Variants in AGBL4 observed in about 807,000 individuals in gnomAD.
AGBL4 encodes cytosolic carboxypeptidase 6.
In AGBL4, 58 loss-of-function variants were observed where a neutral mutation model predicts 66.4. That is an observed-to-expected ratio of 0.87 (90% CI 0.71 to 1.09). AGBL4 has a LOEUF of 1.09. Among genes scored for constraint, AGBL4 ranks in the 50% least tolerant of loss-of-function variants. The probability of loss-of-function intolerance (pLI) is 0.00; values close to 1 mark genes in which losing one functional copy is unlikely to be tolerated. For missense variants in AGBL4, 579 were observed against 631.0 expected (o/e 0.92, Z 0.88); for synonymous variants, 234 against 222.9 (o/e 1.05, Z -0.44).
chr1:49,047,398 G>A (rs1644106087), intron 4 of AGBL4, among the ~76,000 whole-genome samples: 1 of 152,088 alleles, frequency 6.6e-6, no homozygotes, highest in African/African-American at 2.4e-5. Flanking sequence ...GTTTAAAGGT[G>A]TTTGGCCCAC....
chr1:49,554,378 T>G (rs1653232034), intron 3 of AGBL4, among the ~76,000 whole-genome samples: 1 of 152,180 alleles, frequency 6.6e-6, no homozygotes, highest in Non-Finnish European at 1.5e-5. Flanking sequence ...CAAACACATT[T>G]TTTTTTATAC....
intron 2 of AGBL4, among the ~76,000 whole-genome samples, chr1:49,812,258 T>C (rs778541632): frequency 1.3e-5 from 2 of 152,204 alleles, no homozygotes; most frequent in Non-Finnish European, 1.5e-5. Context: ...AGTCATAGCA[T>C]TTGTTAAACT....
intron 12 of AGBL4, 78 bp from the exon 13 acceptor site, chr1:48,534,994 T>A (rs1021271762): frequency 2.4e-5 from 32 of 1,324,662 alleles, no homozygotes; most frequent in Non-Finnish European, 3.4e-5. Context: ...GCTATTCATC[T>A]GTCATTGAAG....
intron 3 of AGBL4, among the ~76,000 whole-genome samples, chr1:49,422,838 A>C (rs1645573916): frequency 6.6e-6 from 1 of 151,996 alleles, no homozygotes; most frequent in Non-Finnish European, 1.5e-5. Flanking sequence ...TCCTGTGTTG[A>C]TTTTTGTCAC....
intron 1 of AGBL4, among the ~76,000 whole-genome samples, chr1:49,910,838 C>A (rs993517500): frequency 6.6e-6 from 1 of 151,872 alleles, no homozygotes; most frequent in Non-Finnish European, 1.5e-5. Flanking sequence ...TAGCCGGGCA[C>A]GGCGGCATGC....
At chr1:48,887,337 T>C (rs1326233046) in intron 5 of AGBL4, among the ~76,000 whole-genome samples, 1 of 152,142 alleles carries the variant, frequency 6.6e-6, no homozygotes, top group Non-Finnish European at 1.5e-5. Flanking sequence ...GGCACAGTGA[T>C]GGAGAAGGAG....
intron 4 of AGBL4, among the ~76,000 whole-genome samples, chr1:49,158,670 TA>T (rs1342378874): frequency 6.6e-6 from 1 of 152,052 alleles, no homozygotes; most frequent in Non-Finnish European, 1.5e-5. Flanking sequence ...AGTGGGATGT[TA>T]AAGTCCTCCA....
At chr1:49,593,653 G>T (rs1644797364) in intron 3 of AGBL4, among the ~76,000 whole-genome samples, 1 of 152,138 alleles carries the variant, frequency 6.6e-6, no homozygotes, top group Non-Finnish European at 1.5e-5. Context: ...GCTACTTATT[G>T]TCTTGCTTGG....
At chr1:49,131,466 A>C (rs1316933256) in intron 4 of AGBL4, among the ~76,000 whole-genome samples, 1 of 152,126 alleles carries the variant, frequency 6.6e-6, no homozygotes, top group Non-Finnish European at 1.5e-5. Context: ...AGGGGGAATC[A>C]AAGGAGAAGT....
At chr1:48,776,528 T>TC in intron 6 of AGBL4, 5 of 660,382 alleles carry the variant, frequency 7.6e-6, no homozygotes, top group South Asian at 2.2e-5. Context: ...CCCGGTCCCC[T>TC]CCGCCCGGGC....
chr1:48,776,319 A>G (rs973589935), intron 6 of AGBL4, among the ~76,000 whole-genome samples: 1 of 152,228 alleles, frequency 6.6e-6, no homozygotes. Context: ...AAGAAAACAC[A>G]AAGAATCAGA....
chr1:49,312,063 A>G (rs558554950), intron 3 of AGBL4, among the ~76,000 whole-genome samples: 10 of 152,222 alleles, frequency 6.6e-5, no homozygotes, highest in African/African-American at 2.4e-4. Flanking sequence ...AAAGAGAAAT[A>G]ATAAAATGAG....
At chr1:49,098,276 A>G (rs1325416531) in intron 4 of AGBL4, among the ~76,000 whole-genome samples, 1 of 152,256 alleles carries the variant, frequency 6.6e-6, no homozygotes, top group Non-Finnish European at 1.5e-5. Flanking sequence ...CATGTGTTGT[A>G]TCTGAAAAAG....
At chr1:49,523,393 T>C (rs1337784966) in intron 3 of AGBL4, among the ~76,000 whole-genome samples, 1 of 152,194 alleles carries the variant, frequency 6.6e-6, no homozygotes, top group East Asian at 1.9e-4. Flanking sequence ...ATTTCCCCAT[T>C]ACACAGCGCA....
chr1:48,705,753 G>C (rs910130196), intron 6 of AGBL4, among the ~76,000 whole-genome samples: 5 of 152,092 alleles, frequency 3.3e-5, no homozygotes, highest in African/African-American at 1.2e-4. Flanking sequence ...AGAAAGCAGA[G>C]GTGACAATGT....
chr1:49,760,059 T>C (rs1571504779), intron 2 of AGBL4, among the ~76,000 whole-genome samples: 1 of 152,224 alleles, frequency 6.6e-6, no homozygotes, highest in African/African-American at 2.4e-5. Context: ...ACATTGCCAA[T>C]GTACAAAATG....
Position 49,170,297 on chromosome 1 carries a change from C to A in AGBL4, c.377+75473G>T, listed in dbSNP as rs866592451. Among the ~76,000 whole-genome samples, 374 of 141,270 alleles carry A rather than the reference C, an allele frequency of 2.6e-3. 2 individuals carry two copies. The highest frequency in any genetic ancestry group is 9.3e-3 in the African/African-American group (362 of 38,758). 92.7% of individuals were successfully genotyped at this position (141,270 alleles called of 152,430 possible). On this transcript the variant is annotated intron_variant, in intron 4 of 13. Transcript: ENST00000371839. ...TATAAATATATTATAAATTTATATT[C>A]ATATAAATATGTTATAAATTTATAT...
intron 4 of AGBL4, among the ~76,000 whole-genome samples, chr1:49,225,584 G>A (rs967086967): frequency 5.9e-5 from 9 of 152,186 alleles, no homozygotes; most frequent in African/African-American, 2.2e-4. Context: ...TCCAGGTGGG[G>A]TGAAGCTAAG....
chr1:48,985,179 C>G (rs1245832670), intron 5 of AGBL4, among the ~76,000 whole-genome samples: 2 of 152,096 alleles, frequency 1.3e-5, no homozygotes, highest in Non-Finnish European at 2.9e-5. Flanking sequence ...ATGTATTCAG[C>G]TCCAGGATTG....
Sources: gnomAD v4.1 joint callset for allele counts (sites outside exome capture counted in the v4.1 genomes callset) on GRCh38, gnomAD v4.1.1 for gene constraint, MANE v1.5 for transcripts, NCBI Gene and HGNC (gene_info 2026-07-23, HGNC 2026-07-21) for gene names.